AKAP6: variants seen among roughly 807,000 people sequenced by gnomAD.
The protein encoded by AKAP6 is A-kinase anchoring protein 6.
A neutral mutation model predicts 188.5 loss-of-function variants in AKAP6; 58 were observed. That is an observed-to-expected ratio of 0.31 (90% CI 0.25 to 0.38). AKAP6 has a LOEUF of 0.38. AKAP6 is among the 10% of genes least tolerant of loss of function. The pLI, the probability that AKAP6 is intolerant of heterozygous loss-of-function variation, is 1.00. For synonymous variants in AKAP6, 989 were observed against 998.6 expected (o/e 0.99, Z 0.18); for missense variants, 2,710 against 2,740.0 (o/e 0.99, Z 0.24).
intron 2 of AKAP6, among the ~76,000 whole-genome samples, chr14:32,500,773 G>C (rs1026829138): frequency 1.3e-5 from 2 of 152,114 alleles, no homozygotes; most frequent in African/African-American, 4.8e-5. Flanking sequence ...AGTTATGCCA[G>C]ATGTTTCTAG....
chr14:32,741,068 GTTATT>G (rs997601716), intron 11 of AKAP6, among the ~76,000 whole-genome samples: 10 of 126,612 alleles, frequency 7.9e-5, no homozygotes, highest in African/African-American at 3.0e-4. Flanking sequence ...TCAATGTTTT[GTTATT>G]TTAATCATAG....
At chr14:32,682,491 A>T (rs1889720282) in intron 8 of AKAP6, among the ~76,000 whole-genome samples, 1 of 152,232 alleles carries the variant, frequency 6.6e-6, no homozygotes, top group Non-Finnish European at 1.5e-5. Context: ...GGATGCATGA[A>T]TGAATAAATA....
chr14:32,450,323 TGAGAGA>T (rs752360654), intron 2 of AKAP6, among the ~76,000 whole-genome samples: 2 of 151,094 alleles, frequency 1.3e-5, no homozygotes, highest in African/African-American at 4.8e-5. Flanking sequence ...TGTGTGTGTG[TGAGAGA>T]GAGAGAGAGA....
intron 2 of AKAP6, among the ~76,000 whole-genome samples, chr14:32,520,411 G>T (rs566205576): frequency 2.0e-5 from 3 of 152,140 alleles, no homozygotes; most frequent in Non-Finnish European, 4.4e-5. Flanking sequence ...TCCAGGAGCT[G>T]GTTTTTTGAA....
chr14:32,748,440 G>A (rs773125843), intron 11 of AKAP6, among the ~76,000 whole-genome samples: 13 of 152,164 alleles, frequency 8.5e-5, no homozygotes, highest in African/African-American at 2.2e-4. Flanking sequence ...TGCCTACTAA[G>A]AGCTCAATAT....
chr14:32,577,210 G>T lies in AKAP6; in HGVS notation c.2437G>T (p.Asp813Tyr). 6.2e-7 allele frequency: 1 copy of T among 1,612,516 alleles called. No homozygotes were observed. Among genetic ancestry groups the T allele is most frequent in the Non-Finnish European group, 8.5e-7 (1 of 1,179,124 alleles). Reference sequence around the variant, plus strand: ...TTGGACTCCCCCTAAAGCAGAGATGGATGACCTTAAACTGTATCTGGAGAC... The same window carrying T: ...TTGGACTCCCCCTAAAGCAGAGATGTATGACCTTAAACTGTATCTGGAGAC... ...ENWTPPKAEM[D>Y]DLKLYLETHL... The change falls in exon 5 of 14, where the codon GAT becomes TAT. Residue 813 changes from aspartate (D) to tyrosine (Y), a missense_variant. Around this residue, in one of 2 missense-constraint regions of AKAP6, gnomAD observed 2,473 missense variants for 2,426.1 expected, o/e 1.02. Coordinates refer to ENST00000280979, the MANE Select transcript of AKAP6 (RefSeq NM_004274.5).
intron 11 of AKAP6, among the ~76,000 whole-genome samples, chr14:32,770,790 A>C (rs113175156): frequency 2.8e-4 from 42 of 152,324 alleles, no homozygotes; most frequent in African/African-American, 8.9e-4. Context: ...GTTTACTTCC[A>C]GTAGACTCTC....
intron 7 of AKAP6, among the ~76,000 whole-genome samples, chr14:32,607,155 A>G (rs1886157692): frequency 6.6e-6 from 1 of 152,108 alleles, no homozygotes; most frequent in Non-Finnish European, 1.5e-5. Context: ...ACTGGCTAAT[A>G]TTTTCTTAGA....
At chr14:32,635,659 A>C (rs1312795761) in intron 7 of AKAP6, among the ~76,000 whole-genome samples, 2 of 151,738 alleles carry the variant, frequency 1.3e-5, no homozygotes, top group Non-Finnish European at 2.9e-5. Context: ...TGTTCAAGGT[A>C]ATTGATAATT....
chr14:32,698,088 G>T (rs766865519), intron 9 of AKAP6, among the ~76,000 whole-genome samples: 1 of 152,094 alleles, frequency 6.6e-6, no homozygotes, highest in Non-Finnish European at 1.5e-5. Flanking sequence ...AGTCTGTAGG[G>T]TCTTTCTTTA....
chr14:32,547,858 A>T (rs879506657), intron 4 of AKAP6, among the ~76,000 whole-genome samples: 9 of 148,584 alleles, frequency 6.1e-5, no homozygotes, highest in East Asian at 3.9e-4. Context: ...AAAAAAAAAA[A>T]TCTCAGGACT....
intron 10 of AKAP6, among the ~76,000 whole-genome samples, chr14:32,734,941 C>T (rs567264602): frequency 1.2e-4 from 18 of 152,128 alleles, no homozygotes; most frequent in South Asian, 1.0e-3. Context: ...CAGCCCTCCC[C>T]GACAACACTC....
chr14:32,526,364 C>T (rs1882125303), intron 2 of AKAP6, among the ~76,000 whole-genome samples: 1 of 152,174 alleles, frequency 6.6e-6, no homozygotes, highest in Non-Finnish European at 1.5e-5. Flanking sequence ...TCCAGAGTAG[C>T]TTGGATGACA....
chr14:32,387,866 T>C (rs1226918621), intron 1 of AKAP6, among the ~76,000 whole-genome samples: 2 of 151,724 alleles, frequency 1.3e-5, no homozygotes, highest in Non-Finnish European at 2.9e-5. Context: ...CTTCATAGAA[T>C]GATTTAGGGA....
chr14:32,762,826 GT>G (rs2032583776), intron 11 of AKAP6, among the ~76,000 whole-genome samples: 1 of 152,022 alleles, frequency 6.6e-6, no homozygotes, highest in Non-Finnish European at 1.5e-5. Flanking sequence ...TGATTGGTGA[GT>G]ATACCAGATG....
intron 11 of AKAP6, among the ~76,000 whole-genome samples, chr14:32,739,480 A>G (rs191042767): frequency 4.6e-5 from 7 of 151,778 alleles, no homozygotes; most frequent in Admixed American, 1.3e-4. Context: ...CATTCATTCT[A>G]TTTTTTTCTT....
intron 7 of AKAP6, among the ~76,000 whole-genome samples, chr14:32,606,297 T>C (rs960824193): frequency 2.0e-5 from 3 of 152,154 alleles, no homozygotes; most frequent in African/African-American, 7.2e-5. Context: ...TTTCAAAACA[T>C]AGTGAACAAC....
At chr14:32,637,840 A>G (rs1223555311) in intron 7 of AKAP6, among the ~76,000 whole-genome samples, 1 of 149,604 alleles carries the variant, frequency 6.7e-6, no homozygotes, top group Non-Finnish European at 1.5e-5. Context: ...GGTGTAGGTC[A>G]TCGGAACTGA....
intron 7 of AKAP6, among the ~76,000 whole-genome samples, chr14:32,678,064 G>A (rs762177693): frequency 6.6e-6 from 1 of 152,050 alleles, no homozygotes; most frequent in African/African-American, 2.4e-5. Flanking sequence ...ATGATCTCAG[G>A]GATATTTTGT....
Sources: allele counts gnomAD v4.1 joint callset (sites outside exome capture counted in the v4.1 genomes callset), GRCh38; gene constraint gnomAD v4.1.1; regional missense constraint gnomAD v4.1.1; transcripts MANE v1.5; gene names NCBI Gene and HGNC (gene_info 2026-07-23, HGNC 2026-07-21).